Variants in ANO10 observed in about 807,000 individuals in gnomAD.
ANO10 encodes the protein anoctamin 10.
A neutral mutation model predicts 74.7 loss-of-function variants in ANO10; 77 were observed. That is an observed-to-expected ratio of 1.03 (90% CI 0.86 to 1.25). The LOEUF is 1.25. Ranked by LOEUF, ANO10 falls within the 50% of genes most tolerant of loss-of-function variation. ANO10 has a pLI of 0.00. For missense variants in ANO10, 721 were observed against 778.1 expected, an observed-to-expected ratio of 0.93 and a Z score of 0.87; for synonymous variants, 279 against 284.9, an observed-to-expected ratio of 0.98 and a Z score of 0.21.
At chr3:43,664,072 A>G (rs2083958548) in intron 1 of ANO10, among the ~76,000 whole-genome samples, 1 of 152,234 alleles carries the variant, frequency 6.6e-6, no homozygotes, top group Non-Finnish European at 1.5e-5. Flanking sequence ...CACATAGCCA[A>G]GACAATCCTG....
In ANO10 at chr3:43,577,098, G is replaced by C. The variant is rs763793134; in HGVS notation, c.756C>G (p.Ile252Met). The C allele has an allele frequency of 3.7e-6, 6 of 1,614,178 alleles. No homozygotes were observed. The East Asian group carries it at 1.1e-4, about 30-fold the overall frequency. The change falls in exon 6 of 13, where the codon ATC becomes ATG. Residue 252 changes from isoleucine to methionine, a missense_variant. Transcript: ENST00000292246. ...KYVIFASFNL[I>M]WSTVILELWK... is the part of the protein sequence containing the mutation. Reference sequence around the variant, plus strand: ...ACAGTTCCAGAATCACCGTGGACCAGATGAGGTTGAACGAGGCAAAGATCA... The same window carrying C: ...ACAGTTCCAGAATCACCGTGGACCACATGAGGTTGAACGAGGCAAAGATCA...
At chr3:43,367,358 A>C (rs2125662986) in intron 12 of ANO10, among the ~76,000 whole-genome samples, 1 of 152,214 alleles carries the variant, frequency 6.6e-6, no homozygotes, top group Non-Finnish European at 1.5e-5. Flanking sequence ...TGGCAGTTTG[A>C]CCTCACTGAG....
chr3:43,545,308 G>T (rs1025860676), intron 11 of ANO10, among the ~76,000 whole-genome samples: 2 of 151,808 alleles, frequency 1.3e-5, no homozygotes, highest in Non-Finnish European at 2.9e-5. Context: ...AAGATTTTCA[G>T]ATAAAAGAGA....
At chr3:43,451,026 T>C (rs956801665) in intron 11 of ANO10, among the ~76,000 whole-genome samples, 1 of 152,218 alleles carries the variant, frequency 6.6e-6, no homozygotes, top group African/African-American at 2.4e-5. Flanking sequence ...AGAAACTCCC[T>C]ATTTTCAAAG....
intron 11 of ANO10, among the ~76,000 whole-genome samples, chr3:43,486,535 T>C (rs992718573): frequency 1.3e-5 from 2 of 149,888 alleles, no homozygotes; most frequent in African/African-American, 4.9e-5. Context: ...CCCTTGTAAG[T>C]TGGATTCCTA....
At chr3:43,498,683 A>T (rs1451396790) in intron 11 of ANO10, among the ~76,000 whole-genome samples, 2 of 152,162 alleles carry the variant, frequency 1.3e-5, no homozygotes, top group African/African-American at 2.4e-5. Context: ...AGATTTACTG[A>T]TGCTGTCCTT....
At position 43,417,644 on chromosome 3, in the gene ANO10, C is replaced by A. The variant is rs553061802; in HGVS notation, c.1914+14967G>T. ...CAAGACGACGAACCCCAGGTATTTACCCCACACAATGTAGCTGCTTCAATA... is the reference window on the plus strand; with the variant it reads ...CAAGACGACGAACCCCAGGTATTTAACCCACACAATGTAGCTGCTTCAATA... On this transcript the variant is annotated intron_variant, in intron 12 of 12. Transcript: ENST00000292246. Among the ~76,000 whole-genome samples, 3 of 152,266 alleles carry A rather than the reference C, an allele frequency of 2.0e-5. No individual in the cohort carries two copies. In the East Asian group the frequency reaches 5.8e-4, roughly 29 times the overall value.
chr3:43,644,334 G>GT (rs2083705274), intron 1 of ANO10, among the ~76,000 whole-genome samples: 1 of 152,152 alleles, frequency 6.6e-6, no homozygotes, highest in Non-Finnish European at 1.5e-5. Flanking sequence ...ACTTGATTTA[G>GT]TTTTAGACTT....
intron 12 of ANO10, among the ~76,000 whole-genome samples, chr3:43,375,576 A>G (rs2091772632): frequency 6.6e-6 from 1 of 152,210 alleles, no homozygotes; most frequent in South Asian, 2.1e-4. Context: ...TGGCAAAATC[A>G]CAAACGCTAG....
intron 12 of ANO10, 116 bp from the exon 13 acceptor site, chr3:43,367,090 G>C: frequency 1.1e-6 from 1 of 945,878 alleles, no homozygotes; most frequent in East Asian, 2.6e-5. Context: ...TGGTGACTCT[G>C]ATGCTGCCTG....
At chr3:43,437,552 C>T (rs2148955535) in intron 11 of ANO10, among the ~76,000 whole-genome samples, 1 of 152,226 alleles carries the variant, frequency 6.6e-6, no homozygotes, top group Admixed American at 6.5e-5. Context: ...CTTTAAATGC[C>T]TAGGGAGTGC....
intron 1 of ANO10, among the ~76,000 whole-genome samples, chr3:43,667,072 G>GT (rs55764466): frequency 0.025 from 1,402 of 56,154 alleles, 315 homozygotes; most frequent in Non-Finnish European, 0.029. Flanking sequence ...TACAATGCAT[G>GT]TTTTTTTTTT....
intron 1 of ANO10, among the ~76,000 whole-genome samples, chr3:43,611,070 T>C (rs1169946752): frequency 5.3e-5 from 8 of 152,216 alleles, no homozygotes; most frequent in Non-Finnish European, 8.8e-5. Flanking sequence ...CCTTTCTTTG[T>C]CTAAGTACAC....
At chr3:43,515,791 G>T (rs1351114415) in intron 11 of ANO10, among the ~76,000 whole-genome samples, 1 of 152,144 alleles carries the variant, frequency 6.6e-6, no homozygotes, top group Non-Finnish European at 1.5e-5. Context: ...CTAAGAACTT[G>T]CCCCTTTTCT....
intron 12 of ANO10, among the ~76,000 whole-genome samples, chr3:43,409,484 C>T (rs1412595877): frequency 1.3e-5 from 2 of 152,036 alleles, no homozygotes; most frequent in African/African-American, 2.4e-5. Flanking sequence ...GCAGAGTTTG[C>T]AGTGAGCCAA....
chr3:43,547,457 T>A (rs2079248138), intron 11 of ANO10, among the ~76,000 whole-genome samples: 1 of 152,186 alleles, frequency 6.6e-6, no homozygotes, highest in Non-Finnish European at 1.5e-5. Context: ...ATGATCCCCC[T>A]GAAACCTGCA....
intron 6 of ANO10, 94 bp from the exon 7 acceptor site, chr3:43,574,958 G>C: frequency 1.0e-6 from 1 of 970,400 alleles, no homozygotes. Flanking sequence ...GGGCGGAGAT[G>C]TCCAACATCA....
Position 43,576,721 on chromosome 3 carries a change from C to T in ANO10, c.1133G>A (p.Arg378Gln), listed in dbSNP as rs61732728. The T allele has an allele frequency of 4.9e-4, 787 of 1,614,094 alleles. 4 individuals carry two copies. The African/African-American group carries it at 9.4e-3, about 19-fold the overall frequency. The change falls in exon 6 of 13, where the codon CGA becomes CAA. Residue 378 changes from arginine (R) to glutamine (Q), a missense_variant. By Grantham distance (43) the Arg-to-Gln change is conservative (BLOSUM62 1). Coordinates refer to ENST00000292246, the MANE Select transcript of ANO10 (RefSeq NM_018075.5). ...TGAAGTTAAAAACTCGGCAGCATATCGATAGAGACGATTCATGATCTCAAT... is the reference window on the plus strand; with the variant it reads ...TGAAGTTAAAAACTCGGCAGCATATTGATAGAGACGATTCATGATCTCAAT... ...IVIEIMNRLY[R>Q]YAAEFLTSWE...
intron 2 of ANO10, among the ~76,000 whole-genome samples, chr3:43,602,194 C>T (rs2082363775): frequency 6.6e-6 from 1 of 152,130 alleles, no homozygotes; most frequent in Non-Finnish European, 1.5e-5. Context: ...CTTCTTTCCA[C>T]AAATATTTCT....
Sources: allele counts gnomAD v4.1 joint callset (sites outside exome capture counted in the v4.1 genomes callset), GRCh38; gene constraint gnomAD v4.1.1; transcripts MANE v1.5; gene names NCBI Gene and HGNC (gene_info 2026-07-23, HGNC 2026-07-21).